NEK9: variants seen among roughly 807,000 people sequenced by gnomAD.
NEK9 encodes NIMA related kinase 9.
NEK9 carries 75 observed loss-of-function variants against 123.4 expected under a neutral mutation model. The observed-to-expected ratio is 0.61, with a 90% CI of 0.50 to 0.74. The LOEUF is 0.74. Among genes scored for constraint, NEK9 ranks in the 30% least tolerant of loss-of-function variants. The pLI, the probability that NEK9 is intolerant of heterozygous loss-of-function variation, is 0.00. For synonymous variants in NEK9, 438 were observed against 458.7 expected (o/e 0.95, Z 0.58); for missense variants, 952 against 1,214.4 (o/e 0.78, Z 3.21).
chr14:75,110,251 T>C, intron 9 of NEK9, 70 bp downstream of exon 9: 1 of 1,188,350 alleles, frequency 8.4e-7, no homozygotes, highest in Non-Finnish European at 1.2e-6. Context: ...AAATAATGCC[T>C]ACACTCAAGA....
chr14:75,085,663 G>C (rs1183534086), intron 21 of NEK9, among the ~76,000 whole-genome samples: 1 of 152,208 alleles, frequency 6.6e-6, no homozygotes, highest in Non-Finnish European at 1.5e-5. Context: ...GACAAATCTA[G>C]AATGTGGGAC....
chr14:75,107,145 C>G (rs1250710006), intron 11 of NEK9, among the ~76,000 whole-genome samples, 198 bp downstream of exon 11: 1 of 151,990 alleles, frequency 6.6e-6, no homozygotes, highest in Non-Finnish European at 1.5e-5. Flanking sequence ...CTCTGTTACC[C>G]ACCTGTCTTC....
In NEK9 at chr14:75,126,843, C is replaced by G. The variant is rs955850238; in HGVS notation, c.79G>C (p.Asp27His). 1 of 1,533,158 alleles carries G rather than the reference C, an allele frequency of 6.5e-7. No individual in the cohort carries two copies. The highest frequency in any genetic ancestry group is 8.8e-7 in the Non-Finnish European group (1 of 1,140,316). 95.0% of individuals were successfully genotyped at this position (1,533,158 alleles called of 1,614,324 possible). Residue 27 changes from aspartate to histidine, a missense_variant, in exon 1 of 22, where the codon GAC becomes CAC. Around this residue, in one of 4 missense-constraint regions of NEK9, gnomAD observed 120 missense variants for 97.6 expected, o/e 1.23. Coordinates refer to ENST00000238616, the MANE Select transcript of NEK9 (RefSeq NM_033116.6). Reference sequence around the variant, plus strand: ...CTGGCGCTAGGCCCCGGACTCGAGTCCCCGCAACCCCCGGACTCGCTCCCA... The same window carrying G: ...CTGGCGCTAGGCCCCGGACTCGAGTGCCCGCAACCCCCGGACTCGCTCCCA... ...DFGSESGGCG[D>H]SSPGPSASQG...
intron 3 of NEK9, 49 bp downstream of exon 3, chr14:75,121,070 G>A: frequency 6.9e-7 from 1 of 1,444,056 alleles, no homozygotes; most frequent in Non-Finnish European, 9.8e-7. Context: ...TAGAATGCAA[G>A]AATTACAACA....
intron 10 of NEK9, among the ~76,000 whole-genome samples, chr14:75,108,520 T>C (rs7158724): frequency 0.048 from 2,549 of 53,478 alleles, 67 homozygotes; most frequent in African/African-American, 0.14. Context: ...TGTGCGTGTG[T>C]GTGTGTGTGT....
At chr14:75,088,151 G>A (rs900698431) in intron 20 of NEK9, among the ~76,000 whole-genome samples, 1 of 152,160 alleles carries the variant, frequency 6.6e-6, no homozygotes, top group Admixed American at 6.5e-5. Context: ...TAGACTACCA[G>A]TATTACTTCT....
At chr14:75,097,056 C>T (rs1894409793) in intron 17 of NEK9, 44 bp downstream of exon 17, 1 of 1,550,100 alleles carries the variant, frequency 6.5e-7, no homozygotes, top group African/African-American at 1.4e-5. Context: ...GTGGGTCCAT[C>T]CTCTGTCAAA....
At chr14:75,118,733 C>T in intron 5 of NEK9, 97 bp downstream of exon 5, 1 of 752,254 alleles carries the variant, frequency 1.3e-6, no homozygotes. Context: ...GGAGAACTTG[C>T]AAGAATATTG....
intron 19 of NEK9, among the ~76,000 whole-genome samples, chr14:75,088,887 C>A (rs10142683): frequency 6.6e-6 from 1 of 152,086 alleles, no homozygotes; most frequent in African/African-American, 2.4e-5. Flanking sequence ...CACTCCAACA[C>A]GCTTATTCTA....
rs71119346 is a variant in NEK9, at chr14:75,100,128, C to CAAAAAAA, written c.2002+857_2002+863dup. Among the ~76,000 whole-genome samples, 2 of 15,626 alleles carry CAAAAAAA rather than the reference C, an allele frequency of 1.3e-4. 1 individual carries two copies. Among genetic ancestry groups the CAAAAAAA allele is most frequent in the Non-Finnish European group, 2.7e-4 (2 of 7,310 alleles). The allele number at this position is 15,626 out of a possible 152,430, so 10.3% of individuals were successfully genotyped here. A position where few individuals can be genotyped will look rare whatever the true frequency, so the allele number is the denominator to read the frequency against. The stretch of plus-strand genomic sequence containing the variant: ...TGGGCAATAGAGCAAGACTCCATCT[C>CAAAAAAA]AAAAAAAAAAAAAAAAAAAAAAAAA... On this transcript the variant is annotated intron_variant, in intron 16 of 21. Coordinates refer to ENST00000238616, the MANE Select transcript of NEK9 (RefSeq NM_033116.6).
intron 2 of NEK9, 38 bp downstream of exon 2, chr14:75,124,008 A>G (rs765525631): frequency 6.5e-7 from 1 of 1,543,834 alleles, no homozygotes; most frequent in Admixed American, 1.7e-5. Context: ...GAGTCTAAGA[A>G]AGTCTTGCTG....
intron 18 of NEK9, among the ~76,000 whole-genome samples, chr14:75,094,907 G>C (rs1353572298): frequency 6.6e-6 from 1 of 152,144 alleles, no homozygotes; most frequent in African/African-American, 2.4e-5. Context: ...CCCAATAATA[G>C]AGAACCATGA....
intron 16 of NEK9, among the ~76,000 whole-genome samples, chr14:75,097,586 G>C (rs1027016347): frequency 6.6e-6 from 1 of 152,184 alleles, no homozygotes; most frequent in East Asian, 1.9e-4. Context: ...TGGGGTGATA[G>C]AGCAGTGAAC....
chr14:75,118,188 G>C (rs1895201829), intron 5 of NEK9, among the ~76,000 whole-genome samples: 1 of 152,012 alleles, frequency 6.6e-6, no homozygotes, highest in Admixed American at 6.6e-5. Flanking sequence ...ATTGCTTGCA[G>C]GCAAACCTTG....
At position 75,126,992 on chromosome 14, in the gene NEK9, G is replaced by T. The variant is rs1046407523; in HGVS notation, c.-71C>A. On this transcript the variant is annotated 5_prime_UTR_variant, in exon 1 of 22. Coordinates refer to ENST00000238616, the MANE Select transcript of NEK9 (RefSeq NM_033116.6). ...GCCCTGGCCGCGCTGCGTCCCGCTCGCTTCAGATGCCGGCCCGCGGATCCG... is the reference window on the plus strand; with the variant it reads ...GCCCTGGCCGCGCTGCGTCCCGCTCTCTTCAGATGCCGGCCCGCGGATCCG... 59 of 1,269,446 alleles carry T rather than the reference G, an allele frequency of 4.6e-5. No individual in the cohort carries two copies. Among genetic ancestry groups the T allele is most frequent in the African/African-American group, 6.4e-5 (4 of 62,926 alleles). 78.6% of individuals were successfully genotyped at this position (1,269,446 alleles called of 1,614,324 possible).
At chr14:75,124,474 A>C (rs1895450219) in intron 1 of NEK9, among the ~76,000 whole-genome samples, 1 of 152,352 alleles carries the variant, frequency 6.6e-6, no homozygotes, top group African/African-American at 2.4e-5. Context: ...CCAGGTAAAA[A>C]TATGGGCTGG....
chr14:75,085,606 AGACAGGGT>A (rs1232937806), intron 21 of NEK9, among the ~76,000 whole-genome samples: 1 of 152,252 alleles, frequency 6.6e-6, no homozygotes, highest in African/African-American at 2.4e-5. Flanking sequence ...TTTTCAGAAA[AGACAGGGT>A]GACAGAAAAA....
In NEK9 at chr14:75,083,422, T is replaced by C. The variant is rs1893924092; in HGVS notation, c.*1142A>G. ...AAGTGAGCTCTCAGCCAAATTCCTT[T>C]TGCAAGTTCTACCTGTTCTGTTAGG... On this transcript the variant is annotated 3_prime_UTR_variant, in exon 22 of 22. Coordinates refer to ENST00000238616, the MANE Select transcript of NEK9 (RefSeq NM_033116.6). 1.8e-5 allele frequency: 4 copies of C among 222,814 alleles called. No homozygotes were observed. In the South Asian group the frequency reaches 7.4e-4, roughly 41 times the overall value. The allele number at this position is 222,814 out of a possible 1,614,324, so 13.8% of individuals were successfully genotyped here. A position where few individuals can be genotyped will look rare whatever the true frequency, so the allele number is the denominator to read the frequency against.
intron 7 of NEK9, 108 bp downstream of exon 7, chr14:75,114,095 C>G (rs1355942138): frequency 2.7e-6 from 2 of 731,966 alleles, no homozygotes; most frequent in African/African-American, 1.7e-5. Flanking sequence ...ACACTCTACC[C>G]TGGGGAAGTG....
Sources: allele counts gnomAD v4.1 joint callset (sites outside exome capture counted in the v4.1 genomes callset), GRCh38; gene constraint gnomAD v4.1.1; regional missense constraint gnomAD v4.1.1; transcripts MANE v1.5; gene names NCBI Gene and HGNC (gene_info 2026-07-23, HGNC 2026-07-21).